Variants in KCND2 observed in about 807,000 individuals in gnomAD.
KCND2 encodes potassium voltage-gated channel subfamily D member 2.
A neutral mutation model predicts 54.4 loss-of-function variants in KCND2; 16 were observed. The observed-to-expected ratio is 0.29, with a 90% confidence interval of 0.20 to 0.45. KCND2 has a LOEUF of 0.45. KCND2 is among the 20% of genes least tolerant of loss of function. The pLI is 1.00. For synonymous variants in KCND2, 317 were observed against 310.7 expected (o/e 1.02, Z -0.21); for missense variants, 486 against 824.2 (o/e 0.59, Z 5.02).
intron 1 of KCND2, among the ~76,000 whole-genome samples, chr7:120,415,031 T>C (rs1472132609): frequency 6.6e-6 from 1 of 152,228 alleles, no homozygotes; most frequent in Non-Finnish European, 1.5e-5. Flanking sequence ...CAACTATCTG[T>C]GTTTTCTGTC....
chr7:120,588,068 T>C (rs1792622540), intron 1 of KCND2, among the ~76,000 whole-genome samples: 1 of 152,218 alleles, frequency 6.6e-6, no homozygotes, highest in Non-Finnish European at 1.5e-5. Context: ...TACCTGTTTT[T>C]ATCTTAATGC....
intron 1 of KCND2, among the ~76,000 whole-genome samples, chr7:120,478,664 C>T (rs1234066436): frequency 6.6e-6 from 1 of 151,940 alleles, no homozygotes; most frequent in Non-Finnish European, 1.5e-5. Context: ...TATAATTATA[C>T]CTATAAGAAA....
intron 1 of KCND2, among the ~76,000 whole-genome samples, chr7:120,503,410 T>TAGAGAGAGAGAGA (rs1418750995): frequency 8.2e-6 from 1 of 122,652 alleles, no homozygotes; most frequent in African/African-American, 3.5e-5. Context: ...GAGAGAGAGT[T>TAGAGAGAGAGAGA]GAAAGCCATG....
At chr7:120,483,732 TAGAA>T (rs1802639669) in intron 1 of KCND2, among the ~76,000 whole-genome samples, 1 of 152,146 alleles carries the variant, frequency 6.6e-6, no homozygotes, top group East Asian at 1.9e-4. Context: ...TGTTGAAAAT[TAGAA>T]AGATACTGCT....
upstream of KCND2, among the ~76,000 whole-genome samples, chr7:120,272,937 C>G (rs1799098674): frequency 6.6e-6 from 1 of 152,088 alleles, no homozygotes; most frequent in African/African-American, 2.4e-5. Context: ...ACTCGAGAGG[C>G]AGAAGCAAGG....
chr7:120,325,425 T>C (rs1799960355), intron 1 of KCND2, among the ~76,000 whole-genome samples: 1 of 150,108 alleles, frequency 6.7e-6, no homozygotes, highest in Admixed American at 6.7e-5. Flanking sequence ...CAGTATGATA[T>C]TGGCTGTTGG....
chr7:120,302,290 C>G (rs1242434061), intron 1 of KCND2, among the ~76,000 whole-genome samples: 1 of 152,138 alleles, frequency 6.6e-6, no homozygotes, highest in Admixed American at 6.5e-5. Context: ...GAGACAGTCT[C>G]ACTCTTTTGC....
chr7:120,666,861 C>A (rs1310371316), intron 1 of KCND2, among the ~76,000 whole-genome samples: 2 of 151,928 alleles, frequency 1.3e-5, no homozygotes, highest in African/African-American at 4.8e-5. Flanking sequence ...AAAATACAAA[C>A]CTCTATAGTT....
chr7:120,506,014 G>A (rs1407175360), intron 1 of KCND2, among the ~76,000 whole-genome samples: 3 of 150,770 alleles, frequency 2.0e-5, no homozygotes, highest in Admixed American at 1.3e-4. Flanking sequence ...AGTATTTATT[G>A]TATTTTCTTC....
At chr7:120,536,961 A>G (rs1791919456) in intron 1 of KCND2, among the ~76,000 whole-genome samples, 1 of 152,170 alleles carries the variant, frequency 6.6e-6, no homozygotes, top group African/African-American at 2.4e-5. Context: ...GATAACATCA[A>G]TATTTGACCT....
chr7:120,341,980 G>A (rs149672912), intron 1 of KCND2, among the ~76,000 whole-genome samples: 6 of 152,222 alleles, frequency 3.9e-5, no homozygotes, highest in African/African-American at 1.4e-4. Flanking sequence ...GTGTGTCAAT[G>A]TGATCCCATC....
chr7:120,636,538 G>A (rs915173801), intron 1 of KCND2, among the ~76,000 whole-genome samples: 13 of 152,014 alleles, frequency 8.6e-5, no homozygotes, highest in Non-Finnish European at 1.6e-4. Flanking sequence ...ACTAGATAGT[G>A]GTTAAAATTT....
At chr7:120,505,771 A>C (rs1162259845) in intron 1 of KCND2, among the ~76,000 whole-genome samples, 2 of 151,774 alleles carry the variant, frequency 1.3e-5, no homozygotes, top group Non-Finnish European at 3.0e-5. Context: ...ATAAGAAAAA[A>C]GTACTATTAG....
At chr7:120,510,682 C>G (rs1422241614) in intron 1 of KCND2, among the ~76,000 whole-genome samples, 1 of 151,976 alleles carries the variant, frequency 6.6e-6, no homozygotes. Context: ...TTCCCACATT[C>G]AAAACTATTT....
chr7:120,380,112 C>T (rs1017532678), intron 1 of KCND2, among the ~76,000 whole-genome samples: 6 of 151,930 alleles, frequency 3.9e-5, no homozygotes, highest in African/African-American at 9.7e-5. Context: ...TAGCAAGTAT[C>T]GTAAATCTAG....
chr7:120,584,556 A>C (rs927324287), intron 1 of KCND2, among the ~76,000 whole-genome samples: 1 of 152,262 alleles, frequency 6.6e-6, no homozygotes, highest in Non-Finnish European at 1.5e-5. Flanking sequence ...CATGGGGAGC[A>C]TTATAAAGGG....
chr7:120,739,723 C>T (rs1382397204), intron 2 of KCND2, among the ~76,000 whole-genome samples: 1 of 151,796 alleles, frequency 6.6e-6, no homozygotes, highest in Non-Finnish European at 1.5e-5. Context: ...CTCAGTGCTA[C>T]TCTCAAATGA....
Position 120,747,946 on chromosome 7 carries a change from G to T in KCND2, c.*88G>T. On this transcript the variant is annotated 3_prime_UTR_variant, in exon 6 of 6. Coordinates refer to ENST00000331113, the MANE Select transcript of KCND2 (RefSeq NM_012281.3). ...AGAAAGAAGAAACAATAAATATTCT[G>T]CAGATTAATGCAGCAAAGAAAGAAG... 2 of 1,024,692 alleles carry T rather than the reference G, an allele frequency of 2.0e-6. No individual in the cohort carries two copies. The highest frequency in any genetic ancestry group is 2.1e-5 in the Admixed American group (1 of 48,652). 63.5% of individuals were successfully genotyped at this position (1,024,692 alleles called of 1,614,324 possible). A position where few individuals can be genotyped will look rare whatever the true frequency, so the allele number is the denominator to read the frequency against.
At chr7:120,669,365 AT>A (rs1791963896) in intron 1 of KCND2, among the ~76,000 whole-genome samples, 1 of 152,018 alleles carries the variant, frequency 6.6e-6, no homozygotes, top group Non-Finnish European at 1.5e-5. Flanking sequence ...TAACCCTGTG[AT>A]TTTTTTAACT....
Sources: gnomAD v4.1 joint callset for allele counts (sites outside exome capture counted in the v4.1 genomes callset) on GRCh38, gnomAD v4.1.1 for gene constraint, MANE v1.5 for transcripts, NCBI Gene and HGNC (gene_info 2026-07-23, HGNC 2026-07-21) for gene names.